The following ANXA4 variants were observed in gnomAD, a reference collection of about 807,000 sequenced individuals.
ANXA4 encodes the protein 35-beta calcimedin.
ANXA4 carries 39 observed loss-of-function variants against 49.8 expected under a neutral mutation model. The ratio of observed to expected loss-of-function variants is 0.78; its 90% CI spans 0.61 to 1.02. The LOEUF (loss-of-function observed/expected upper bound fraction) is 1.02, where lower values mean the gene tolerates loss of function less well. Among genes scored for constraint, ANXA4 ranks in the 50% least tolerant of loss-of-function variants. ANXA4 has a pLI of 0.00. For missense variants in ANXA4, 360 were observed against 410.1 expected (o/e 0.88, Z 1.05); for synonymous variants, 134 against 152.5 (o/e 0.88, Z 0.89).
Position 69,765,985 on chromosome 2 carries a change from C to T in ANXA4, c.-46-15535C>T, listed in dbSNP as rs185261344. ...CAGGCCCGCTATGTGCAAGGCACTGCTAAAATTTAGAAACAGGAAAGTAGA... is the reference window on the plus strand; with the variant it reads ...CAGGCCCGCTATGTGCAAGGCACTGTTAAAATTTAGAAACAGGAAAGTAGA... On this transcript the variant is annotated intron_variant, in intron 1 of 12. Transcript: ENST00000394295. Among the ~76,000 whole-genome samples, 439 of 152,226 alleles carry T rather than the reference C, an allele frequency of 2.9e-3. 7 individuals are homozygous for T. The highest frequency in any genetic ancestry group is 6.6e-3 in the Admixed American group (101 of 15,288).
At chr2:69,812,804 T>TTA in intron 8 of ANXA4, 95 bp downstream of exon 8, 1 of 1,067,970 alleles carries the variant, frequency 9.4e-7, no homozygotes, top group Non-Finnish European at 1.4e-6. Flanking sequence ...TTACAGTGTA[T>TTA]ATTAGCCAGG....
chr2:69,787,967 C>T, intron 2 of ANXA4, 87 bp from the exon 3 acceptor site: 1 of 1,134,182 alleles, frequency 8.8e-7, no homozygotes, highest in Non-Finnish European at 1.3e-6. Context: ...AGGCTATGGT[C>T]AGTGCTCAAC....
chr2:69,789,480 G>A (rs145158842), intron 3 of ANXA4, among the ~76,000 whole-genome samples: 210 of 152,252 alleles, frequency 1.4e-3, no homozygotes, highest in African/African-American at 4.8e-3. Context: ...GTTGTCTGGG[G>A]TAAATACTAA....
chr2:69,696,588 A>C (rs1678167102), intron 2 of ANXA4, among the ~76,000 whole-genome samples: 1 of 152,208 alleles, frequency 6.6e-6, no homozygotes, highest in Admixed American at 6.5e-5. Flanking sequence ...AAGGTTTTCA[A>C]TTTACTTTGC....
rs1411019639 is a variant in ANXA4 at position 69,656,369 on chromosome 2, G to GTA, written n.766+3093_766+3094dup. Among the ~76,000 whole-genome samples, 63 of 117,726 alleles carry GTA rather than the reference G, an allele frequency of 5.4e-4. 1 individual carries two copies. Among genetic ancestry groups the GTA allele is most frequent in the South Asian group, 1.5e-3 (5 of 3,354 alleles). 77.2% of individuals were successfully genotyped at this position (117,726 alleles called of 152,430 possible). ...TGTGTATATATGTGTATATATATGTGTATATATGTGTATATATATGTGTAT... is the reference window on the plus strand; with the variant it reads ...TGTGTATATATGTGTATATATATGTGTATATATATGTGTATATATATGTGTAT... On this transcript the variant is annotated intron_variant and non_coding_transcript_variant, in intron 2 of 3. Transcript: ENST00000418066.
At chr2:69,643,850 C>T (rs954058666), upstream of ANXA4, 8 of 1,180,490 alleles carry the variant, frequency 6.8e-6, no homozygotes, top group Non-Finnish European at 8.4e-6. Flanking sequence ...GGACCGGGGC[C>T]TCTCCTGCAA....
chr2:69,801,586 T>G (rs1039247451), intron 3 of ANXA4, among the ~76,000 whole-genome samples: 1 of 151,994 alleles, frequency 6.6e-6, no homozygotes, highest in African/African-American at 2.4e-5. Context: ...TATATTTTAA[T>G]AGAGACAAGG....
intron 2 of ANXA4, among the ~76,000 whole-genome samples, chr2:69,697,380 C>A (rs1678191972): frequency 1.3e-5 from 2 of 152,202 alleles, no homozygotes; most frequent in Admixed American, 1.3e-4. Context: ...TTGTTCTAGG[C>A]TAGGCTTTGG....
At chr2:69,730,885 C>A (rs552407451) in intron 3 of ANXA4, among the ~76,000 whole-genome samples, 1 of 152,286 alleles carries the variant, frequency 6.6e-6, no homozygotes, top group East Asian at 1.9e-4. Flanking sequence ...CTACTAATGT[C>A]ATATATTCGC....
intron 1 of ANXA4, among the ~76,000 whole-genome samples, chr2:69,770,756 C>T (rs759583107): frequency 2.8e-4 from 42 of 152,100 alleles, no homozygotes; most frequent in Non-Finnish European, 1.3e-4. Flanking sequence ...TGCAGACACA[C>T]ACACGTGCAG....
In ANXA4 at chr2:69,781,588, T is replaced by C. The variant is rs1218522602; in HGVS notation, c.9+14T>C. On this transcript the variant is annotated intron_variant, in intron 2 of 12. Transcript: ENST00000394295. ...GTCATGGCCATGGTAAGTTGTGAAA[T>C]ACCTCAACCCTATCTGGTGCCAGCT... 2 of 1,613,890 alleles carry C rather than the reference T, an allele frequency of 1.2e-6. No individual in the cohort carries two copies. Among genetic ancestry groups the C allele is most frequent in the Non-Finnish European group, 1.7e-6 (2 of 1,179,984 alleles).
intron 2 of ANXA4, among the ~76,000 whole-genome samples, chr2:69,700,993 C>G (rs1210443922): frequency 1.3e-5 from 2 of 152,146 alleles, no homozygotes; most frequent in Non-Finnish European, 2.9e-5. Flanking sequence ...CTGCCTCAGC[C>G]TCCTGAGTAG....
intron 3 of ANXA4, among the ~76,000 whole-genome samples, chr2:69,730,361 G>T (rs984778772): frequency 2.0e-5 from 3 of 152,120 alleles, no homozygotes; most frequent in African/African-American, 7.2e-5. Flanking sequence ...AATTAGCCAG[G>T]CATGGTGGTG....
intron 1 of ANXA4, among the ~76,000 whole-genome samples, chr2:69,772,003 A>G (rs1671738605): frequency 6.6e-6 from 1 of 152,234 alleles, no homozygotes; most frequent in Admixed American, 6.5e-5. Context: ...CCCTAGTCGT[A>G]GAGTTCAGAT....
At chr2:69,763,552 A>G (rs1171584538) in intron 1 of ANXA4, among the ~76,000 whole-genome samples, 1 of 152,054 alleles carries the variant, frequency 6.6e-6, no homozygotes, top group African/African-American at 2.4e-5. Context: ...TCACTGACTC[A>G]CTGCAAATCC....
intron 2 of ANXA4, among the ~76,000 whole-genome samples, chr2:69,711,448 G>GACT (rs1423153710): frequency 1.3e-5 from 2 of 152,138 alleles, no homozygotes; most frequent in African/African-American, 4.8e-5. Context: ...AGGCATCAAA[G>GACT]ACTACCCACT....
At chr2:69,734,781 T>G (rs1670200133) in intron 3 of ANXA4, among the ~76,000 whole-genome samples, 1 of 152,156 alleles carries the variant, frequency 6.6e-6, no homozygotes. Flanking sequence ...AGCACTTTGT[T>G]TCTCCGGTTT....
chr2:69,691,834 T>G (rs964098388), intron 2 of ANXA4, among the ~76,000 whole-genome samples: 3 of 152,152 alleles, frequency 2.0e-5, no homozygotes, highest in African/African-American at 7.2e-5. Flanking sequence ...GCATCTGTCT[T>G]GAAGGGAAGG....
chr2:69,731,429 CG>C (rs1670091603), intron 3 of ANXA4, among the ~76,000 whole-genome samples: 1 of 152,198 alleles, frequency 6.6e-6, no homozygotes, highest in South Asian at 2.1e-4. Context: ...TGCTGACTCT[CG>C]CCCTGGACTA....
Sources: gnomAD v4.1 joint callset for allele counts (sites outside exome capture counted in the v4.1 genomes callset) on GRCh38, gnomAD v4.1.1 for gene constraint, MANE v1.5 for transcripts, NCBI Gene and HGNC (gene_info 2026-07-23, HGNC 2026-07-21) for gene names.